Variants in ARMH3 observed in about 807,000 individuals in gnomAD.
ARMH3 encodes armadillo like helical domain containing 3.
A neutral mutation model predicts 99.1 loss-of-function variants in ARMH3; 60 were observed. That is an observed-to-expected ratio of 0.61 (90% CI 0.49 to 0.75). ARMH3 has a LOEUF of 0.75. ARMH3 is among the 30% of genes least tolerant of loss of function. The pLI, the probability that ARMH3 is intolerant of heterozygous loss-of-function variation, is 0.00. For synonymous variants in ARMH3, 285 were observed against 292.8 expected (o/e 0.97, Z 0.27); for missense variants, 679 against 843.1 (o/e 0.81, Z 2.41).
chr10:101,935,174 A>ATATATATAT (rs1843902399), intron 23 of ARMH3, among the ~76,000 whole-genome samples: 1 of 117,106 alleles, frequency 8.5e-6, no homozygotes, highest in African/African-American at 3.2e-5. Context: ...AAGGTGGAGC[A>ATATATATAT]ATATATATAT....
rs368336311 is a variant in ARMH3, at chr10:101,926,227, G to A, written c.1781+13636C>T. Among the ~76,000 whole-genome samples, 28 of 152,082 alleles carry A rather than the reference G, an allele frequency of 1.8e-4. 1 individual carries two copies. The South Asian group carries it at 4.4e-3, about 24-fold the overall frequency. On this transcript the variant is annotated intron_variant, in intron 23 of 25. Transcript: ENST00000370033. ...TTTGGAGACAAGGTCTCACTCTGTC[G>A]CCCAGGCTGGAGTACAGTGGTGTGA...
At chr10:101,959,462 G>C (rs1450990827) in intron 20 of ARMH3, among the ~76,000 whole-genome samples, 1 of 152,192 alleles carries the variant, frequency 6.6e-6, no homozygotes, top group Non-Finnish European at 1.5e-5. Context: ...GTAATGGCTA[G>C]AGACAAAGCA....
chr10:102,044,088 T>C (rs1001027954), intron 1 of ARMH3, among the ~76,000 whole-genome samples: 1 of 150,950 alleles, frequency 6.6e-6, no homozygotes, highest in Non-Finnish European at 1.5e-5. Context: ...AGCTAATTTT[T>C]TTCTTTTTTT....
intron 23 of ARMH3, among the ~76,000 whole-genome samples, chr10:101,921,957 T>C (rs797006014): frequency 6.6e-6 from 1 of 152,306 alleles, no homozygotes; most frequent in African/African-American, 2.4e-5. Flanking sequence ...CAATGTACTA[T>C]ATATTTTAAA....
At chr10:101,930,162 C>G (rs1437946127) in intron 23 of ARMH3, among the ~76,000 whole-genome samples, 1 of 151,980 alleles carries the variant, frequency 6.6e-6, no homozygotes, top group South Asian at 2.1e-4. Context: ...GGTTTAACAT[C>G]TGAAAATCAA....
At chr10:101,981,184 T>C (rs578020582) in intron 19 of ARMH3, among the ~76,000 whole-genome samples, 6 of 147,206 alleles carry the variant, frequency 4.1e-5, no homozygotes, top group African/African-American at 1.3e-4. Flanking sequence ...TAAGAAGAAA[T>C]AATGAAAAAA....
intron 10 of ARMH3, among the ~76,000 whole-genome samples, chr10:102,012,510 A>G (rs778478402): frequency 6.6e-6 from 1 of 152,246 alleles, no homozygotes; most frequent in Non-Finnish European, 1.5e-5. Flanking sequence ...AAATACTTGT[A>G]TGATACACTG....
rs533803588 is a variant in ARMH3 at position 102,006,659 on chromosome 10, G to A, written c.955-26C>T. The A allele has an allele frequency of 1.3e-5, 21 of 1,598,094 alleles. No individual in the cohort carries two copies. In the South Asian group the frequency reaches 1.7e-4, roughly 13 times the overall value. The stretch of plus-strand genomic sequence containing the variant: ...CTGAAAAAGATACACAGATGTGTAA[G>A]AAAACAGAAAATCCAGTTCTCCCTG... On this transcript the variant is annotated intron_variant, in intron 13 of 25. Coordinates refer to ENST00000370033, the MANE Select transcript of ARMH3 (RefSeq NM_024541.3).
chr10:102,038,155 C>T (rs555694396), intron 2 of ARMH3, among the ~76,000 whole-genome samples: 7 of 135,718 alleles, frequency 5.2e-5, no homozygotes, highest in East Asian at 2.2e-4. Context: ...AGTGCAGTGG[C>T]GCGATCTCAG....
intron 24 of ARMH3, among the ~76,000 whole-genome samples, chr10:101,865,931 G>A (rs755544259): frequency 1.3e-5 from 2 of 151,360 alleles, no homozygotes; most frequent in Middle Eastern, 3.4e-3. Context: ...AGTAAAAAGC[G>A]ATCTCTTGGC....
intron 12 of ARMH3, among the ~76,000 whole-genome samples, 181 bp downstream of exon 12, chr10:102,009,796 A>C (rs2066590720): frequency 6.6e-6 from 1 of 152,198 alleles, no homozygotes; most frequent in Non-Finnish European, 1.5e-5. Flanking sequence ...CGCTCAATAC[A>C]TATGAAAAGC....
chr10:102,044,456 C>T (rs1156505557), intron 1 of ARMH3, among the ~76,000 whole-genome samples: 2 of 151,744 alleles, frequency 1.3e-5, no homozygotes, highest in African/African-American at 4.8e-5. Flanking sequence ...CTGCAACCTC[C>T]ACCTCCTGGG....
chr10:102,045,755 A>C (rs2067534104), intron 1 of ARMH3, among the ~76,000 whole-genome samples: 1 of 152,200 alleles, frequency 6.6e-6, no homozygotes. Flanking sequence ...AATTTACAAG[A>C]GCCTATTACT....
intron 20 of ARMH3, among the ~76,000 whole-genome samples, chr10:101,972,550 C>T (rs368635943): frequency 6.6e-6 from 1 of 152,146 alleles, no homozygotes; most frequent in African/African-American, 2.4e-5. Flanking sequence ...ATCCAACATA[C>T]GAGGGGTAGT....
chr10:102,023,750 C>A lies in ARMH3; in HGVS notation c.508-1G>T. The A allele has an allele frequency of 6.2e-7, 1 of 1,613,700 alleles. No individual in the cohort carries two copies. Among genetic ancestry groups the A allele is most frequent in the Non-Finnish European group, 8.5e-7 (1 of 1,179,650 alleles). On this transcript the variant is annotated splice_acceptor_variant, in intron 6 of 25. Coordinates refer to ENST00000370033, the MANE Select transcript of ARMH3 (RefSeq NM_024541.3). LOFTEE classifies it high-confidence loss of function. ...TGTTCTGGCTGATGTTATCTGTCAC[C>A]TGAATGTAATAAAAGGCTTTTTAAA... is the stretch of plus-strand genomic sequence containing the variant.
intron 22 of ARMH3, among the ~76,000 whole-genome samples, chr10:101,945,083 G>A (rs1404364285): frequency 1.2e-4 from 18 of 152,134 alleles, no homozygotes; most frequent in Admixed American, 1.2e-3. Context: ...GTAATTATCT[G>A]AGGGCTCTGA....
intron 18 of ARMH3, 52 bp from the exon 19 acceptor site, chr10:101,990,663 T>G: frequency 6.8e-7 from 1 of 1,461,028 alleles, no homozygotes; most frequent in Non-Finnish European, 9.6e-7. Flanking sequence ...ATTCATTTCT[T>G]GTCTTTGAGT....
At chr10:102,050,471 C>A (rs531360448) in intron 1 of ARMH3, among the ~76,000 whole-genome samples, 41 of 151,952 alleles carry the variant, frequency 2.7e-4, no homozygotes, top group Non-Finnish European at 5.0e-4. Flanking sequence ...TAAATAAATA[C>A]ATACATACAT....
At chr10:101,981,013 A>C (rs939380611) in intron 19 of ARMH3, among the ~76,000 whole-genome samples, 12 of 151,782 alleles carry the variant, frequency 7.9e-5, no homozygotes, top group African/African-American at 2.9e-4. Context: ...GAACATTGAG[A>C]ACACATGCAC....
Sources: allele counts gnomAD v4.1 joint callset (sites outside exome capture counted in the v4.1 genomes callset), GRCh38; gene constraint gnomAD v4.1.1; transcripts MANE v1.5; gene names NCBI Gene and HGNC (gene_info 2026-07-23, HGNC 2026-07-21).